USP10: variants seen among roughly 807,000 people sequenced by gnomAD.
USP10 encodes the protein ubiquitin carboxyl-terminal hydrolase 10.
USP10 carries 22 observed loss-of-function variants against 84.5 expected under a neutral mutation model. That is an observed-to-expected ratio of 0.26 (90% CI 0.19 to 0.37). The LOEUF (loss-of-function observed/expected upper bound fraction) is 0.37, where lower values mean the gene tolerates loss of function less well. Ranked by LOEUF, USP10 falls within the 10% of genes least tolerant of loss-of-function variation. The pLI is 1.00. For synonymous variants in USP10, 454 were observed against 387.6 expected, an observed-to-expected ratio of 1.17 and a Z score of -2.01; for missense variants, 1,019 against 998.9, an observed-to-expected ratio of 1.02 and a Z score of -0.27.
chr16:84,757,400 G>GT (rs1555546460), intron 4 of USP10, among the ~76,000 whole-genome samples: 761 of 61,176 alleles, frequency 0.012, 5 homozygotes, highest in African/African-American at 0.034. Context: ...GAGAGGGGTG[G>GT]GGGTGTGTGT....
chr16:84,751,767 A>G (rs879081849), intron 4 of USP10, among the ~76,000 whole-genome samples: 3 of 152,200 alleles, frequency 2.0e-5, no homozygotes, highest in African/African-American at 7.2e-5. Flanking sequence ...CAACACCAGA[A>G]TGTCGATTAC....
intron 2 of USP10, among the ~76,000 whole-genome samples, chr16:84,738,220 G>C (rs140881526): frequency 5.3e-4 from 81 of 152,270 alleles, no homozygotes; most frequent in African/African-American, 1.9e-3. Flanking sequence ...CAGAATACTG[G>C]GAAGTGTGAA....
intron 1 of USP10, among the ~76,000 whole-genome samples, chr16:84,702,509 T>G (rs1024598315): frequency 1.3e-5 from 2 of 152,230 alleles, no homozygotes; most frequent in African/African-American, 4.8e-5. Context: ...CCTAAGAGTC[T>G]TGCAGCCTTA....
intron 12 of USP10, among the ~76,000 whole-genome samples, chr16:84,774,385 G>A (rs1428216254): frequency 6.6e-6 from 1 of 152,200 alleles, no homozygotes; most frequent in Non-Finnish European, 1.5e-5. Flanking sequence ...CACAGTAAGA[G>A]CAGGGAGTTC....
At chr16:84,716,128 A>T (rs8044948) in intron 1 of USP10, 30,632 of 152,140 alleles carry the variant, frequency 0.2, 3,740 homozygotes, top group East Asian at 0.37. Flanking sequence ...CAGGGTAGGA[A>T]GGGGAGCTGG....
intron 12 of USP10, 130 bp downstream of exon 12, chr16:84,772,815 G>A (rs1170856452): frequency 7.8e-7 from 1 of 1,281,638 alleles, no homozygotes; most frequent in Non-Finnish European, 1.1e-6. Flanking sequence ...CTTGTTTTAA[G>A]TTTCTTGACT....
chr16:84,728,992 T>C (rs1431878050), intron 1 of USP10, among the ~76,000 whole-genome samples: 1 of 152,030 alleles, frequency 6.6e-6, no homozygotes. Flanking sequence ...GGAGGTGGAT[T>C]TCACCATTTT....
chr16:84,753,010 A>G (rs1248795408), intron 4 of USP10, among the ~76,000 whole-genome samples: 1 of 152,070 alleles, frequency 6.6e-6, no homozygotes, highest in Non-Finnish European at 1.5e-5. Flanking sequence ...TCATTCATTC[A>G]GGCTGGAGTG....
At chr16:84,757,170 T>TG (rs35301728) in intron 4 of USP10, among the ~76,000 whole-genome samples, 2 of 152,184 alleles carry the variant, frequency 1.3e-5, no homozygotes, top group African/African-American at 4.8e-5. Context: ...CATGCAGGCT[T>TG]GGGGTTCAGT....
chr16:84,748,608 A>C (rs35019923), intron 4 of USP10, among the ~76,000 whole-genome samples: 30,316 of 152,138 alleles, frequency 0.2, 3,641 homozygotes, highest in East Asian at 0.38. Flanking sequence ...CCAGCTGAGA[A>C]TATTATAGTT....
intron 1 of USP10, among the ~76,000 whole-genome samples, chr16:84,724,573 G>A (rs1908215036): frequency 6.6e-6 from 1 of 152,136 alleles, no homozygotes; most frequent in African/African-American, 2.4e-5. Context: ...CCCCAAGAAA[G>A]TAAAGCAAAA....
chr16:84,746,840 C>T (rs1351336294), intron 4 of USP10, among the ~76,000 whole-genome samples: 1 of 152,156 alleles, frequency 6.6e-6, no homozygotes, highest in Non-Finnish European at 1.5e-5. Flanking sequence ...ATTAAAAATT[C>T]TAAACTTTTT....
Position 84,757,402 on chromosome 16 carries a change from G to GGGTGTGTGTGT in USP10, c.1193-1313_1193-1312insGTGTGTGTGTG, listed in dbSNP as rs1912701298. On this transcript the variant is annotated intron_variant, in intron 4 of 13. Transcript: ENST00000219473. ...GGAAGGAGGGAATGAGAGGGGTGGG[G>GGGTGTGTGTGT]GTGTGTGTGTGTGTGTGTGTGTGTG... Among the ~76,000 whole-genome samples the GGGTGTGTGTGT allele has an allele frequency of 1.3e-4, 11 of 82,860 alleles. No homozygotes were observed. The East Asian group carries it at 2.7e-3, about 20-fold the overall frequency. The allele number at this position is 82,860 out of a possible 152,430, so 54.4% of individuals were successfully genotyped here. A position where few individuals can be genotyped will look rare whatever the true frequency, so the allele number is the denominator to read the frequency against.
intron 4 of USP10, among the ~76,000 whole-genome samples, chr16:84,753,772 A>T (rs1222168530): frequency 6.6e-6 from 1 of 152,272 alleles, no homozygotes; most frequent in African/African-American, 2.4e-5. Flanking sequence ...CAACAACTTT[A>T]ATCTCCAGAT....
At chr16:84,730,233 T>C (rs1909033000) in intron 1 of USP10, among the ~76,000 whole-genome samples, 1 of 152,188 alleles carries the variant, frequency 6.6e-6, no homozygotes, top group African/African-American at 2.4e-5. Context: ...TCTATATTAT[T>C]AACAAACACA....
At chr16:84,756,991 C>G (rs1019113019) in intron 4 of USP10, among the ~76,000 whole-genome samples, 3 of 152,084 alleles carry the variant, frequency 2.0e-5, no homozygotes, top group African/African-American at 7.3e-5. Flanking sequence ...CAGGTGGACC[C>G]AGGTTCACAG....
intron 6 of USP10, 54 bp from the exon 7 acceptor site, chr16:84,759,823 CAAAGCTCTTTAGTA>C (rs367597644): frequency 6.7e-7 from 1 of 1,492,628 alleles, no homozygotes; most frequent in African/African-American, 1.4e-5. Context: ...ACTTAGCCAT[CAAAGCTCTTTAGTA>C]AAAGTATATA....
Position 84,764,077 on chromosome 16 carries a change from C to A in USP10, c.1655-9C>A, listed in dbSNP as rs375765095. ...AAATAGTAGTGTAAGCAGATGCTCT[C>A]CTTTTCAGAACTTACGATTTCCAAC... On this transcript the variant is annotated splice_polypyrimidine_tract_variant and intron_variant, in intron 9 of 13. Transcript: ENST00000219473. 3.7e-6 allele frequency: 6 copies of A among 1,610,312 alleles called. No individual in the cohort carries two copies. Among genetic ancestry groups the A allele is most frequent in the Non-Finnish European group, 5.1e-6 (6 of 1,178,368 alleles).
Position 84,779,123 on chromosome 16 carries a change from A to G in USP10, c.*41A>G, listed in dbSNP as rs751867207. On this transcript the variant is annotated 3_prime_UTR_variant, in exon 14 of 14. Coordinates refer to ENST00000219473, the MANE Select transcript of USP10 (RefSeq NM_005153.3). ...TGTGTGCGCCCAGTGCCCGCTTCGTAGGACACCACCTCACACTCACTTCCC... is the reference window on the plus strand; with the variant it reads ...TGTGTGCGCCCAGTGCCCGCTTCGTGGGACACCACCTCACACTCACTTCCC... 8 of 1,579,182 alleles carry G rather than the reference A, an allele frequency of 5.1e-6. 1 individual carries two copies. Among genetic ancestry groups the G allele is most frequent in the Middle Eastern group, 1.7e-4 (1 of 5,936 alleles).
Sources: gnomAD v4.1 joint callset for allele counts (sites outside exome capture counted in the v4.1 genomes callset) on GRCh38, gnomAD v4.1.1 for gene constraint, MANE v1.5 for transcripts, NCBI Gene and HGNC (gene_info 2026-07-23, HGNC 2026-07-21) for gene names.